MLLT10: variants seen among roughly 807,000 people sequenced by gnomAD.
MLLT10 encodes the protein protein AF-10.
A neutral mutation model predicts 129.1 loss-of-function variants in MLLT10; 30 were observed. That is an observed-to-expected ratio of 0.23 (90% CI 0.17 to 0.32). The LOEUF (loss-of-function observed/expected upper bound fraction) is 0.32, where lower values mean the gene tolerates loss of function less well. Ranked by LOEUF, MLLT10 falls within the 10% of genes least tolerant of loss-of-function variation. MLLT10 has a pLI of 1.00. For synonymous variants in MLLT10, 490 were observed against 446.4 expected (o/e 1.10, Z -1.23); for missense variants, 1,119 against 1,268.3 (o/e 0.88, Z 1.79).
chr10:21,691,048 C>T (rs765259948), intron 13 of MLLT10, among the ~76,000 whole-genome samples: 7 of 152,104 alleles, frequency 4.6e-5, no homozygotes, highest in Non-Finnish European at 7.4e-5. Flanking sequence ...TTCTTCCTTA[C>T]GGTAATCTTC....
intron 5 of MLLT10, among the ~76,000 whole-genome samples, chr10:21,596,597 CTG>C (rs1360669050): frequency 2.7e-5 from 4 of 150,590 alleles, no homozygotes; most frequent in African/African-American, 9.8e-5. Flanking sequence ...GTTAGGTACA[CTG>C]TGTTACCCTT....
intron 13 of MLLT10, among the ~76,000 whole-genome samples, chr10:21,690,719 A>T (rs919800214): frequency 1.3e-5 from 2 of 151,974 alleles, no homozygotes; most frequent in African/African-American, 4.8e-5. Context: ...CTATTCCTTA[A>T]CTATTACATA....
intron 3 of MLLT10, among the ~76,000 whole-genome samples, chr10:21,555,409 G>T (rs918777540): frequency 2.6e-5 from 4 of 151,016 alleles, no homozygotes; most frequent in African/African-American, 9.7e-5. Context: ...TTTTAGTAGA[G>T]ACTGGGTTTT....
At chr10:21,660,564 C>T (rs1456230512) in intron 9 of MLLT10, among the ~76,000 whole-genome samples, 3 of 140,304 alleles carry the variant, frequency 2.1e-5, no homozygotes, top group African/African-American at 8.1e-5. Flanking sequence ...TGCAGTGACC[C>T]GAGATCTCAC....
intron 9 of MLLT10, among the ~76,000 whole-genome samples, chr10:21,653,462 G>A (rs1271903173): frequency 6.6e-6 from 1 of 152,078 alleles, no homozygotes; most frequent in East Asian, 1.9e-4. Flanking sequence ...GGTAGCAATG[G>A]CATGTTGAAT....
At chr10:21,687,205 A>G (rs551721913) in intron 13 of MLLT10, among the ~76,000 whole-genome samples, 1 of 152,338 alleles carries the variant, frequency 6.6e-6, no homozygotes, top group Admixed American at 6.5e-5. Flanking sequence ...GAGTATACGT[A>G]TAAATGCCAG....
intron 13 of MLLT10, among the ~76,000 whole-genome samples, chr10:21,688,169 G>T (rs1418868477): frequency 6.6e-6 from 1 of 151,756 alleles, no homozygotes; most frequent in African/African-American, 2.4e-5. Flanking sequence ...TTTTATAATG[G>T]AAAATGAATC....
chr10:21,651,596 A>T, intron 8 of MLLT10, 77 bp from the exon 9 acceptor site: 3 of 874,094 alleles, frequency 3.4e-6, no homozygotes, highest in Non-Finnish European at 5.5e-6. Context: ...TTAAATTACT[A>T]GTTATAAAAA....
intron 3 of MLLT10, among the ~76,000 whole-genome samples, chr10:21,569,581 C>T (rs568356559): frequency 4.0e-5 from 6 of 151,836 alleles, no homozygotes; most frequent in South Asian, 2.1e-4. Context: ...CCATCATGCC[C>T]GGCTAATTTT....
At position 21,670,511 on chromosome 10, in the gene MLLT10, T is replaced by G; in HGVS notation, c.858T>G (p.Thr286=). 1 of 1,614,174 alleles carries G rather than the reference T, an allele frequency of 6.2e-7. No homozygotes were observed. The highest frequency in any genetic ancestry group is 8.5e-7 in the Non-Finnish European group (1 of 1,180,012). ...SGSLKRLEDT[T]ARFTNANFQE... ...CATTGAAGCGCTTGGAAGATACTAC[T>G]GCACGATTTACAAATGCAAATTTCC... The change falls in exon 10 of 23, where the codon ACT becomes ACG. Residue 286 remains threonine, a synonymous_variant. Transcript: ENST00000307729.
rs1198146694 is a variant in MLLT10, at chr10:21,704,329, T to TTCTCTC, written c.1700-9419_1700-9414dup. Reference sequence around the variant, plus strand: ...CAGCCTCTGTTTTGTTCTTTTTAAATTCTCTCTCTCTCTCTCTCTCTCTCT... The same window carrying TTCTCTC: ...CAGCCTCTGTTTTGTTCTTTTTAAATTCTCTCTCTCTCTCTCTCTCTCTCTCTCTCT... On this transcript the variant is annotated intron_variant, in intron 13 of 22. Transcript: ENST00000307729. Among the ~76,000 whole-genome samples the TTCTCTC allele has an allele frequency of 3.6e-3, 435 of 121,032 alleles. 5 individuals are homozygous for TTCTCTC. Among genetic ancestry groups the TTCTCTC allele is most frequent in the African/African-American group, 0.011 (342 of 30,844 alleles). 79.4% of individuals were successfully genotyped at this position (121,032 alleles called of 152,430 possible).
chr10:21,728,717 G>A (rs557350725), intron 16 of MLLT10, among the ~76,000 whole-genome samples: 2 of 152,184 alleles, frequency 1.3e-5, no homozygotes, highest in East Asian at 3.9e-4. Flanking sequence ...TCCAAGAATG[G>A]GAGAAACGTG....
chr10:21,600,711 T>A (rs1364891599), intron 5 of MLLT10, among the ~76,000 whole-genome samples: 4 of 152,190 alleles, frequency 2.6e-5, no homozygotes, highest in African/African-American at 9.7e-5. Flanking sequence ...AAAAGCAAAA[T>A]CTTGCAGTTC....
rs759995798 is a variant in MLLT10 at position 21,673,853 on chromosome 10, TCTC to T, written c.1558_1560del (p.Pro520del). ...CATAACAAGCTCTAGTCTGCAGAAA[TCTC>T]CTACATTGCTCAGGAATGGAAGTTT... is the stretch of plus-strand genomic sequence containing the variant. On this transcript the variant is annotated inframe_deletion, in exon 11 of 23. Coordinates refer to ENST00000307729, the MANE Select transcript of MLLT10 (RefSeq NM_001195626.3). The T allele has an allele frequency of 1.9e-6, 3 of 1,613,940 alleles. No homozygotes were observed. Among genetic ancestry groups the T allele is most frequent in the Admixed American group, 1.7e-5 (1 of 59,994 alleles).
intron 3 of MLLT10, among the ~76,000 whole-genome samples, chr10:21,551,332 CTT>C (rs1463679946): frequency 3.7e-5 from 2 of 53,424 alleles, no homozygotes; most frequent in East Asian, 1.1e-3. Flanking sequence ...ACACAAATAA[CTT>C]TTTTATTTCT....
intron 13 of MLLT10, among the ~76,000 whole-genome samples, chr10:21,694,701 T>G (rs1026132183): frequency 2.0e-5 from 3 of 152,210 alleles, no homozygotes; most frequent in Non-Finnish European, 2.9e-5. Flanking sequence ...GCACTGTAAG[T>G]ACATTAGTTT....
intron 8 of MLLT10, among the ~76,000 whole-genome samples, chr10:21,649,273 C>T (rs1282629538): frequency 6.6e-6 from 1 of 152,012 alleles, no homozygotes; most frequent in East Asian, 1.9e-4. Flanking sequence ...GATGGGGTCT[C>T]CCTATGTTTC....
At chr10:21,686,295 C>A (rs984467349) in intron 13 of MLLT10, among the ~76,000 whole-genome samples, 22 of 152,128 alleles carry the variant, frequency 1.4e-4, no homozygotes, top group African/African-American at 5.1e-4. Flanking sequence ...TGACTACTTT[C>A]CCTTTCCAAA....
At chr10:21,644,335 T>C (rs1004748582) in intron 8 of MLLT10, among the ~76,000 whole-genome samples, 2 of 152,196 alleles carry the variant, frequency 1.3e-5, no homozygotes, top group Non-Finnish European at 2.9e-5. Context: ...TTGACACTTA[T>C]TCCATTATAA....
Sources: allele counts gnomAD v4.1 joint callset (sites outside exome capture counted in the v4.1 genomes callset), GRCh38; gene constraint gnomAD v4.1.1; transcripts MANE v1.5; gene names NCBI Gene and HGNC (gene_info 2026-07-23, HGNC 2026-07-21).